CSMD2: variants seen among roughly 807,000 people sequenced by gnomAD.
The protein encoded by CSMD2 is CUB and sushi domain-containing protein 2.
Under a neutral mutation model 398.5 loss-of-function variants are expected in CSMD2, and 130 were observed. The ratio of observed to expected loss-of-function variants is 0.33; its 90% CI spans 0.28 to 0.38. CSMD2 has a LOEUF of 0.38. Among genes scored for constraint, CSMD2 ranks in the 10% least tolerant of loss-of-function variants. CSMD2 has a pLI of 1.00. For missense variants in CSMD2, 3,829 were observed against 4,764.9 expected, an observed-to-expected ratio of 0.80 and a Z score of 5.78; for synonymous variants, 1,828 against 1,908.5, an observed-to-expected ratio of 0.96 and a Z score of 1.10.
intron 5 of CSMD2, chr1:33,862,343 C>CTCTGTGTG (rs542219181): frequency 8.8e-6 from 1 of 114,006 alleles, no homozygotes; most frequent in African/African-American, 3.1e-5. Flanking sequence ...ATAAGCTACT[C>CTCTGTGTG]TGTGTGTGTG....
In CSMD2 at chr1:33,523,429, A is replaced by C; in HGVS notation, c.10397-10T>G. The C allele has an allele frequency of 7.9e-7, 1 of 1,264,864 alleles. No homozygotes were observed. The highest frequency in any genetic ancestry group is 1.1e-6 in the Non-Finnish European group (1 of 880,172). The allele number at this position is 1,264,864 out of a possible 1,614,324, so 78.4% of individuals were successfully genotyped here. A position where few individuals can be genotyped will look rare whatever the true frequency, so the allele number is the denominator to read the frequency against. ...TCTTTCTTGTAAGTTCCTGGGAAAT[A>C]AAGTTCAGGTGTTACACATGAAAGA... On this transcript the variant is annotated splice_polypyrimidine_tract_variant and intron_variant, in intron 66 of 70. Transcript: ENST00000373381.
chr1:33,824,895 T>G (rs1658606152), intron 7 of CSMD2, among the ~76,000 whole-genome samples: 1 of 151,988 alleles, frequency 6.6e-6, no homozygotes, highest in Admixed American at 6.6e-5. Flanking sequence ...TCCCTACCAC[T>G]CGGCCCAGAA....
intron 25 of CSMD2, among the ~76,000 whole-genome samples, chr1:33,667,941 C>T (rs1644368422): frequency 6.6e-6 from 1 of 152,164 alleles, no homozygotes; most frequent in African/African-American, 2.4e-5. Context: ...TGGGCAATAA[C>T]CCCCCAGACA....
At chr1:34,017,791 T>C (rs1447588302) in intron 3 of CSMD2, among the ~76,000 whole-genome samples, 3 of 152,198 alleles carry the variant, frequency 2.0e-5, no homozygotes, top group African/African-American at 4.8e-5. Flanking sequence ...CAATGCTTTA[T>C]TACATGAATT....
chr1:33,829,060 G>A (rs1472137751), intron 6 of CSMD2, among the ~76,000 whole-genome samples: 4 of 152,216 alleles, frequency 2.6e-5, no homozygotes, highest in Non-Finnish European at 5.9e-5. Flanking sequence ...CACCAGTGTT[G>A]CCTGTAGCCA....
chr1:33,967,768 C>T (rs1464715262), intron 3 of CSMD2, among the ~76,000 whole-genome samples: 2 of 152,166 alleles, frequency 1.3e-5, no homozygotes, highest in Non-Finnish European at 2.9e-5. Flanking sequence ...ACATTCTTTG[C>T]TTCAGTTTTA....
chr1:33,514,280 C>CTTTTTTT lies in CSMD2; in HGVS notation c.*2337_*2343dup, dbSNP rs11333218. ...ACAATAATGAAAAAAAAATTTACACCTTTTTTTTTTTCTTTTTTGGTACTG... is the reference window on the plus strand; with the variant it reads ...ACAATAATGAAAAAAAAATTTACACCTTTTTTTTTTTTTTTTTTCTTTTTTGGTACTG... On this transcript the variant is annotated 3_prime_UTR_variant, in exon 71 of 71. Coordinates refer to ENST00000373381, the MANE Select transcript of CSMD2 (RefSeq NM_001281956.2). 6.8e-6 allele frequency: 1 copy of CTTTTTTT among 147,326 alleles called. No individual in the cohort carries two copies. Among genetic ancestry groups the CTTTTTTT allele is most frequent in the Non-Finnish European group, 1.5e-5 (1 of 66,968 alleles). 9.1% of individuals were successfully genotyped at this position (147,326 alleles called of 1,614,324 possible). A position where few individuals can be genotyped will look rare whatever the true frequency, so the allele number is the denominator to read the frequency against.
At chr1:34,127,378 A>G (rs917864223) in intron 1 of CSMD2, among the ~76,000 whole-genome samples, 1 of 152,170 alleles carries the variant, frequency 6.6e-6, no homozygotes, top group Non-Finnish European at 1.5e-5. Flanking sequence ...GAAGAAAAAT[A>G]AAATGGGAGG....
At chr1:33,809,834 A>G (rs79868265) in intron 10 of CSMD2, among the ~76,000 whole-genome samples, 295 of 152,260 alleles carry the variant, frequency 1.9e-3, no homozygotes, top group Non-Finnish European at 3.6e-3. Context: ...AAATCAAAGT[A>G]CAAAATCAAT....
intron 2 of CSMD2, among the ~76,000 whole-genome samples, chr1:34,042,294 C>T (rs2148190884): frequency 6.6e-6 from 1 of 152,296 alleles, no homozygotes; most frequent in African/African-American, 2.4e-5. Context: ...AAAACACTAT[C>T]TGCCAAGACT....
chr1:33,753,446 C>T (rs988618233), intron 13 of CSMD2, among the ~76,000 whole-genome samples: 15 of 152,280 alleles, frequency 9.9e-5, no homozygotes, highest in Admixed American at 7.8e-4. Flanking sequence ...AGCTTTCATG[C>T]GATATTAAGC....
intron 28 of CSMD2, among the ~76,000 whole-genome samples, chr1:33,650,711 G>A (rs1331318317): frequency 2.0e-5 from 3 of 152,068 alleles, no homozygotes; most frequent in Non-Finnish European, 4.4e-5. Flanking sequence ...TTTGAATTGA[G>A]GTATGATTTA....
intron 10 of CSMD2, 124 bp downstream of exon 10, chr1:33,810,619 A>AAT: frequency 1.0e-6 from 1 of 988,888 alleles, no homozygotes; most frequent in Non-Finnish European, 1.5e-6. Flanking sequence ...TAAAAAAAAA[A>AAT]GTAAAAGAAC....
Position 33,864,290 on chromosome 1 carries a change from T to C in CSMD2, c.921-17294A>G, listed in dbSNP as rs779233867. The C allele has an allele frequency of 3.7e-6, 6 of 1,613,146 alleles. No individual in the cohort carries two copies. In the Admixed American group the frequency reaches 6.7e-5, roughly 18 times the overall value. On this transcript the variant is annotated intron_variant, in intron 5 of 70. Coordinates refer to ENST00000373381, the MANE Select transcript of CSMD2 (RefSeq NM_001281956.2). ...ACAAATTCAAGGAGCAGCAGCCAAA[T>C]ACCTATGTTGGCTTTAAAGAGTTCT... is the stretch of plus-strand genomic sequence containing the variant.
chr1:33,600,774 C>T, intron 44 of CSMD2, 91 bp downstream of exon 44: 1 of 1,361,504 alleles, frequency 7.3e-7, no homozygotes. Context: ...CACTCAAGGT[C>T]ACATGATCCG....
chr1:33,605,247 C>G, intron 42 of CSMD2, 35 bp downstream of exon 42: 1 of 1,599,144 alleles, frequency 6.3e-7, no homozygotes, highest in Non-Finnish European at 8.5e-7. Flanking sequence ...ACGAGTACCC[C>G]AGGAAGAACT....
intron 7 of CSMD2, 53 bp downstream of exon 7, chr1:33,825,644 C>T (rs530040425): frequency 4.0e-5 from 60 of 1,497,018 alleles, no homozygotes; most frequent in Admixed American, 8.5e-5. Context: ...AGTGCCTGCA[C>T]GTGTGACCTC....
At position 33,654,239 on chromosome 1, in the gene CSMD2, T is replaced by G. The variant is rs182213964; in HGVS notation, c.4448-1778A>C. On this transcript the variant is annotated intron_variant, in intron 27 of 70. Transcript: ENST00000373381. ...TTAACAAATCACATTTTAGATACAC[T>G]ATCTCATTTATGTCTCATTAACAAC... Among the ~76,000 whole-genome samples the G allele has an allele frequency of 7.2e-5, 11 of 152,324 alleles. No individual in the cohort carries two copies. In the East Asian group the frequency reaches 2.1e-3, roughly 29 times the overall value.
Position 34,165,132 on chromosome 1 carries a change from T to TC in CSMD2, c.-36dup. Reference sequence around the variant, plus strand: ...GGCAGCGCCGAGGGAGAGGCTCCGCTCGCCGCCGAGGAGAAAGGAGGTCAG... The same window carrying TC: ...GGCAGCGCCGAGGGAGAGGCTCCGCTCCGCCGCCGAGGAGAAAGGAGGTCAG... On this transcript the variant is annotated 5_prime_UTR_variant, in exon 1 of 71. Transcript: ENST00000373381. 8.3e-7 allele frequency: 1 copy of TC among 1,211,916 alleles called. No individual in the cohort carries two copies. Among genetic ancestry groups the TC allele is most frequent in the South Asian group, 4.1e-5 (1 of 24,170 alleles). 75.1% of individuals were successfully genotyped at this position (1,211,916 alleles called of 1,614,324 possible). A position where few individuals can be genotyped will look rare whatever the true frequency, so the allele number is the denominator to read the frequency against.
Sources: allele counts gnomAD v4.1 joint callset (sites outside exome capture counted in the v4.1 genomes callset), GRCh38; gene constraint gnomAD v4.1.1; transcripts MANE v1.5; gene names NCBI Gene and HGNC (gene_info 2026-07-23, HGNC 2026-07-21).